The following H2AX variants were observed in gnomAD, a reference collection of about 807,000 sequenced individuals.
H2AX encodes H2A.X variant histone, also known as histone H2AX.
A neutral mutation model predicts 8.0 loss-of-function variants in H2AX; 2 were observed. That is an observed-to-expected ratio of 0.25 (90% CI 0.10 to 0.79). H2AX has a LOEUF of 0.79. Among genes scored for constraint, H2AX ranks in the 30% least tolerant of loss-of-function variants. The pLI is 0.69. For synonymous variants in H2AX, 110 were observed against 102.5 expected, an observed-to-expected ratio of 1.07 and a Z score of -0.44; for missense variants, 105 against 201.0, an observed-to-expected ratio of 0.52 and a Z score of 2.89.
In H2AX at chr11:119,094,954, C is replaced by G. The variant is rs1946365074; in HGVS notation, c.*9G>C. 2 of 1,590,216 alleles carry G rather than the reference C, an allele frequency of 1.3e-6. No homozygotes were observed. The highest frequency in any genetic ancestry group is 3.7e-5 in the Admixed American group (2 of 54,096). ...GGAGGCCTGGCGGCCGGCCGCGGCG[C>G]GGGCCCTCTTAGTACTCCTGGGAGG... On this transcript the variant is annotated 3_prime_UTR_variant, in exon 1 of 1. Transcript: ENST00000530167.
chr11:119,095,051 A>G lies in H2AX; in HGVS notation c.344T>C (p.Val115Ala). 1 of 1,613,734 alleles carries G rather than the reference A, an allele frequency of 6.2e-7. No individual in the cohort carries two copies. The highest frequency in any genetic ancestry group is 8.5e-7 in the Non-Finnish European group (1 of 1,179,850). Reference protein sequence around the residue: ...QGGVLPNIQAVLLPKKTSATV... With the variant: ...QGGVLPNIQAALLPKKTSATV... ...GGCGCTGGTCTTCTTGGGCAGCAGCACGGCCTGGATGTTGGGCAGGACGCC... is the reference window on the plus strand; with the variant it reads ...GGCGCTGGTCTTCTTGGGCAGCAGCGCGGCCTGGATGTTGGGCAGGACGCC... Residue 115 changes from valine to alanine, a missense_variant, in exon 1 of 1, where the codon GTG becomes GCG. Transcript: ENST00000530167.
rs28990979 is a variant in H2AX, at chr11:119,095,440, C to A, written c.-46G>T. 6.9e-7 allele frequency: 1 copy of A among 1,455,180 alleles called. No individual in the cohort carries two copies. 90.1% of individuals were successfully genotyped at this position (1,455,180 alleles called of 1,614,324 possible). A position where few individuals can be genotyped will look rare whatever the true frequency, so the allele number is the denominator to read the frequency against. Reference sequence around the variant, plus strand: ...AAGCACGACGGCTCAAACACTAGAACAGACGCCCGCCGCAGTGTAACTGCT... The same window carrying A: ...AAGCACGACGGCTCAAACACTAGAAAAGACGCCCGCCGCAGTGTAACTGCT... On this transcript the variant is annotated 5_prime_UTR_variant, in exon 1 of 1. Transcript: ENST00000530167.
In H2AX at chr11:119,094,975, G is replaced by T. The variant is rs1379694876; in HGVS notation, c.420C>A (p.Ser140=). 7 of 1,611,544 alleles carry T rather than the reference G, an allele frequency of 4.3e-6. No individual in the cohort carries two copies. The highest frequency in any genetic ancestry group is 1.3e-5 in the African/African-American group (1 of 74,758). ...PSGGKKATQA[S]QEY is the part of the protein sequence containing the mutation. ...GGCGCGGGCCCTCTTAGTACTCCTGGGAGGCCTGGGTGGCCTTCTTGCCGC... is the reference window on the plus strand; with the variant it reads ...GGCGCGGGCCCTCTTAGTACTCCTGTGAGGCCTGGGTGGCCTTCTTGCCGC... The change falls in exon 1 of 1, where the codon TCC becomes TCA. Residue 140 remains serine (S), a synonymous_variant. Transcript: ENST00000530167.
chr11:119,095,253 C>T lies in H2AX; in HGVS notation c.142G>A (p.Ala48Thr). ...AGCACTGCCGCCAGGTACACTGGCG[C>T]GCCGGCGCCAACGCGCTCGGCGTAG... Reference protein sequence around the residue: ...GHYAERVGAGAPVYLAAVLEY... With the variant: ...GHYAERVGAGTPVYLAAVLEY... The change falls in exon 1 of 1, where the codon GCG becomes ACG. Residue 48 changes from alanine to threonine, a missense_variant. Physicochemically the swap from Ala to Thr is moderately conservative, Grantham distance 58. This residue lies in a region of H2AX where 55 missense variants were observed against 144.4 expected (regional missense o/e 0.38). Transcript: ENST00000530167. The T allele has an allele frequency of 6.2e-7, 1 of 1,613,514 alleles. No homozygotes were observed. Among genetic ancestry groups the T allele is most frequent in the Non-Finnish European group, 8.5e-7 (1 of 1,179,610 alleles).
rs1946363339 is a variant in H2AX, at chr11:119,094,849, C to A, written c.*114G>T. The A allele has an allele frequency of 2.6e-6, 3 of 1,137,844 alleles. No individual in the cohort carries two copies. The highest frequency in any genetic ancestry group is 3.6e-6 in the Non-Finnish European group (3 of 835,702). 70.5% of individuals were successfully genotyped at this position (1,137,844 alleles called of 1,614,324 possible). The stretch of plus-strand genomic sequence containing the variant: ...GGGAGGGGAAGGGAGCCGCGGCCCG[C>A]TTGCCCCGCAGTCTGAAGCGGCTCA... On this transcript the variant is annotated 3_prime_UTR_variant, in exon 1 of 1. Transcript: ENST00000530167.
Position 119,095,400 on chromosome 11 carries a change from C to A in H2AX, c.-6G>T, listed in dbSNP as rs1302616788. ...GTCTTGCCGCGGCCCGACATGCTAG[C>A]GAGGTAGACCGGTGAAGCACGACGG... On this transcript the variant is annotated 5_prime_UTR_variant, in exon 1 of 1. Transcript: ENST00000530167. 2 of 1,536,338 alleles carry A rather than the reference C, an allele frequency of 1.3e-6. No individual in the cohort carries two copies. Among genetic ancestry groups the A allele is most frequent in the Non-Finnish European group, 1.7e-6 (2 of 1,149,062 alleles).
rs1289616914 is a variant in H2AX, at chr11:119,094,445, G to A, written c.*518C>T. The A allele has an allele frequency of 1.3e-5, 2 of 152,464 alleles. No individual in the cohort carries two copies. Among genetic ancestry groups the A allele is most frequent in the Admixed American group, 1.3e-4 (2 of 15,314 alleles). 9.4% of individuals were successfully genotyped at this position (152,464 alleles called of 1,614,324 possible). A position where few individuals can be genotyped will look rare whatever the true frequency, so the allele number is the denominator to read the frequency against. The stretch of plus-strand genomic sequence containing the variant: ...ACCAGACACCCCGGCTGCAGCTGCC[G>A]AGGGCCTCACTCACCTTCAGGGCCG... On this transcript the variant is annotated 3_prime_UTR_variant, in exon 1 of 1. Transcript: ENST00000530167.
rs1306834186 is a variant in H2AX, at chr11:119,095,268, G to C, written c.127C>G (p.Arg43Gly). ...RLLRKGHYAE[R>G]VGAGAPVYLA... ...TACACTGGCGCGCCGGCGCCAACGC[G>C]CTCGGCGTAGTGGCCCTTCCGCAGC... Residue 43 changes from arginine to glycine, a missense_variant, in exon 1 of 1, where the codon CGC becomes GGC. This residue lies in a region of H2AX where 55 missense variants were observed against 144.4 expected (regional missense o/e 0.38). Coordinates refer to ENST00000530167, the MANE Select transcript of H2AX (RefSeq NM_002105.3). 6.2e-7 allele frequency: 1 copy of C among 1,613,164 alleles called. No individual in the cohort carries two copies. Among genetic ancestry groups the C allele is most frequent in the Non-Finnish European group, 8.5e-7 (1 of 1,179,518 alleles).
Position 119,094,898 on chromosome 11 carries a change from G to A in H2AX, c.*65C>T. The A allele has an allele frequency of 6.9e-7, 1 of 1,455,292 alleles. No homozygotes were observed. Among genetic ancestry groups the A allele is most frequent in the Non-Finnish European group, 9.2e-7 (1 of 1,090,914 alleles). 90.1% of individuals were successfully genotyped at this position (1,455,292 alleles called of 1,614,324 possible). Reference sequence around the variant, plus strand: ...CAGCTCTTTCCATGAGGGCGGTGGTGGCCCTTAAAAGGGCCTTTGTGGTGG... The same window carrying A: ...CAGCTCTTTCCATGAGGGCGGTGGTAGCCCTTAAAAGGGCCTTTGTGGTGG... On this transcript the variant is annotated 3_prime_UTR_variant, in exon 1 of 1. Coordinates refer to ENST00000530167, the MANE Select transcript of H2AX (RefSeq NM_002105.3).
chr11:119,095,386 G>A lies in H2AX; in HGVS notation c.9C>T (p.Gly3=), dbSNP rs1946373445. Residue 3 remains glycine (G), a synonymous_variant, in exon 1 of 1, where the codon GGC becomes GGT. Coordinates refer to ENST00000530167, the MANE Select transcript of H2AX (RefSeq NM_002105.3). The stretch of plus-strand genomic sequence containing the variant: ...GGGCCTTGCCGCCAGTCTTGCCGCG[G>A]CCCGACATGCTAGCGAGGTAGACCG... MS[G]RGKTGGKARA... The A allele has an allele frequency of 6.4e-7, 1 of 1,560,262 alleles. No individual in the cohort carries two copies. The highest frequency in any genetic ancestry group is 8.6e-7 in the Non-Finnish European group (1 of 1,159,050).
chr11:119,095,401 G>A lies in H2AX; in HGVS notation c.-7C>T, dbSNP rs1946373855. On this transcript the variant is annotated 5_prime_UTR_variant, in exon 1 of 1. Transcript: ENST00000530167. ...TCTTGCCGCGGCCCGACATGCTAGCGAGGTAGACCGGTGAAGCACGACGGC... is the reference window on the plus strand; with the variant it reads ...TCTTGCCGCGGCCCGACATGCTAGCAAGGTAGACCGGTGAAGCACGACGGC... The A allele has an allele frequency of 1.3e-6, 2 of 1,536,728 alleles. No homozygotes were observed. The highest frequency in any genetic ancestry group is 1.4e-5 in the African/African-American group (1 of 72,406).
In H2AX at chr11:119,094,818, G is replaced by A. The variant is rs1487201148; in HGVS notation, c.*145C>T. 8 of 828,264 alleles carry A rather than the reference G, an allele frequency of 9.7e-6. No homozygotes were observed. Among genetic ancestry groups the A allele is most frequent in the African/African-American group, 3.6e-5 (2 of 55,346 alleles). 51.3% of individuals were successfully genotyped at this position (828,264 alleles called of 1,614,324 possible). On this transcript the variant is annotated 3_prime_UTR_variant, in exon 1 of 1. Transcript: ENST00000530167. The stretch of plus-strand genomic sequence containing the variant: ...GAGGCCGGGCGGCGAAGGCGGGCGA[G>A]GGGAGGGGAGGGGAAGGGAGCCGCG...
Position 119,094,913 on chromosome 11 carries a change from C to T in H2AX, c.*50G>A, listed in dbSNP as rs934694347. On this transcript the variant is annotated 3_prime_UTR_variant, in exon 1 of 1. Coordinates refer to ENST00000530167, the MANE Select transcript of H2AX (RefSeq NM_002105.3). Reference sequence around the variant, plus strand: ...GGGCGGTGGTGGCCCTTAAAAGGGCCTTTGTGGTGGCATGGGGAGGCCTGG... The same window carrying T: ...GGGCGGTGGTGGCCCTTAAAAGGGCTTTTGTGGTGGCATGGGGAGGCCTGG... 1 of 1,536,524 alleles carries T rather than the reference C, an allele frequency of 6.5e-7. No individual in the cohort carries two copies. Among genetic ancestry groups the T allele is most frequent in the Non-Finnish European group, 8.7e-7 (1 of 1,145,570 alleles).
In H2AX at chr11:119,095,437, G is replaced by GA; in HGVS notation, c.-44dup. On this transcript the variant is annotated 5_prime_UTR_variant, in exon 1 of 1. Transcript: ENST00000530167. Reference sequence around the variant, plus strand: ...GTGAAGCACGACGGCTCAAACACTAGAACAGACGCCCGCCGCAGTGTAACT... The same window carrying GA: ...GTGAAGCACGACGGCTCAAACACTAGAAACAGACGCCCGCCGCAGTGTAACT... 6.9e-7 allele frequency: 1 copy of GA among 1,458,546 alleles called. No individual in the cohort carries two copies. Among genetic ancestry groups the GA allele is most frequent in the Non-Finnish European group, 9.0e-7 (1 of 1,111,798 alleles). The allele number at this position is 1,458,546 out of a possible 1,614,324, so 90.4% of individuals were successfully genotyped here.
In H2AX at chr11:119,094,942, C is replaced by T. The variant is rs765259350; in HGVS notation, c.*21G>A. 6.3e-7 allele frequency: 1 copy of T among 1,581,928 alleles called. No individual in the cohort carries two copies. Among genetic ancestry groups the T allele is most frequent in the Non-Finnish European group, 8.6e-7 (1 of 1,166,962 alleles). On this transcript the variant is annotated 3_prime_UTR_variant, in exon 1 of 1. Transcript: ENST00000530167. ...GTGGTGGCATGGGGAGGCCTGGCGG[C>T]CGGCCGCGGCGCGGGCCCTCTTAGT...
At position 119,095,300 on chromosome 11, in the gene H2AX, T is replaced by C. The variant is rs1431554165; in HGVS notation, c.95A>G (p.His32Arg). 2 of 1,611,974 alleles carry C rather than the reference T, an allele frequency of 1.2e-6. No homozygotes were observed. The highest frequency in any genetic ancestry group is 1.7e-5 in the Admixed American group (1 of 59,822). ...GTAGTGGCCCTTCCGCAGCAGCCGG[T>C]GTACACGGCCCACTGGGAACTGGAG... ...AGLQFPVGRV[H>R]RLLRKGHYAE... The change falls in exon 1 of 1, where the codon CAC (histidine) becomes CGC (arginine). Residue 32 changes from histidine (H) to arginine (R), a missense_variant. Coordinates refer to ENST00000530167, the MANE Select transcript of H2AX (RefSeq NM_002105.3).
In H2AX at chr11:119,095,068, C is replaced by T; in HGVS notation, c.327G>A (p.Leu109=). The T allele has an allele frequency of 6.2e-7, 1 of 1,613,874 alleles. No homozygotes were observed. The highest frequency in any genetic ancestry group is 8.5e-7 in the Non-Finnish European group (1 of 1,179,874). ...GCAGCAGCACGGCCTGGATGTTGGG[C>T]AGGACGCCTCCCTGGGCGATCGTCA... The part of the protein sequence containing the change: ...GGVTIAQGGV[L]PNIQAVLLPK... Residue 109 remains leucine (L), a synonymous_variant, in exon 1 of 1, where the codon CTG becomes CTA. Coordinates refer to ENST00000530167, the MANE Select transcript of H2AX (RefSeq NM_002105.3).
Position 119,095,463 on chromosome 11 carries a change from G to A in H2AX, c.-69C>T, listed in dbSNP as rs980068950. 6.9e-6 allele frequency: 10 copies of A among 1,442,350 alleles called. No individual in the cohort carries two copies. The highest frequency in any genetic ancestry group is 2.6e-4 in the Middle Eastern group (1 of 3,900). 89.3% of individuals were successfully genotyped at this position (1,442,350 alleles called of 1,614,324 possible). On this transcript the variant is annotated 5_prime_UTR_variant, in exon 1 of 1. Coordinates refer to ENST00000530167, the MANE Select transcript of H2AX (RefSeq NM_002105.3). ...AACAGACGCCCGCCGCAGTGTAACT[G>A]CTGTCGCGCGCGCGCCGCGAGGCCG... is the stretch of plus-strand genomic sequence containing the variant.
Position 119,095,033 on chromosome 11 carries a change from G to A in H2AX, c.362C>T (p.Thr121Ile), listed in dbSNP as rs1395282840. ...CGCCTTCGGCCCCACGGTGGCGCTG[G>A]TCTTCTTGGGCAGCAGCACGGCCTG... ...NIQAVLLPKK[T>I]SATVGPKAPS... Residue 121 changes from threonine (T) to isoleucine (I), a missense_variant, in exon 1 of 1, where the codon ACC (threonine) becomes ATC (isoleucine). Physicochemically the swap from Thr to Ile is moderately conservative, Grantham distance 89. Transcript: ENST00000530167. 6.2e-7 allele frequency: 1 copy of A among 1,613,558 alleles called. No homozygotes were observed.
Sources: allele counts gnomAD v4.1 joint callset, GRCh38; gene constraint gnomAD v4.1.1; regional missense constraint gnomAD v4.1.1; transcripts MANE v1.5; gene names NCBI Gene and HGNC (gene_info 2026-07-23, HGNC 2026-07-21).